IGDCC3: variants seen among roughly 807,000 people sequenced by gnomAD.
The protein encoded by IGDCC3 is putative neuronal cell adhesion molecule.
In IGDCC3, 47 loss-of-function variants were observed where a neutral mutation model predicts 72.0. That is an observed-to-expected ratio of 0.65 (90% CI 0.52 to 0.83). The LOEUF (loss-of-function observed/expected upper bound fraction) is 0.83. Among genes scored for constraint, IGDCC3 ranks in the 40% least tolerant of loss-of-function variants. The pLI, the probability that IGDCC3 is intolerant of heterozygous loss-of-function variation, is 0.00. For synonymous variants in IGDCC3, 477 were observed against 472.8 expected (o/e 1.01, Z -0.11); for missense variants, 1,038 against 1,091.3 (o/e 0.95, Z 0.69).
chr15:65,362,086 T>TAA (rs1304050630), intron 2 of IGDCC3, among the ~76,000 whole-genome samples: 2 of 141,630 alleles, frequency 1.4e-5, no homozygotes, highest in Non-Finnish European at 3.1e-5. Flanking sequence ...ATCCTGACAT[T>TAA]AAAAAAAAAA....
At chr15:65,371,455 G>A (rs1016753014) in intron 2 of IGDCC3, among the ~76,000 whole-genome samples, 9 of 152,344 alleles carry the variant, frequency 5.9e-5, no homozygotes, top group East Asian at 3.9e-4. Context: ...TCCCCACAGC[G>A]GAGGTTATGA....
At chr15:65,354,715 T>C (rs1437664623) in intron 2 of IGDCC3, among the ~76,000 whole-genome samples, 1 of 152,208 alleles carries the variant, frequency 6.6e-6, no homozygotes, top group African/African-American at 2.4e-5. Context: ...TGGGGATCAC[T>C]CCTCATCTTG....
chr15:65,364,098 C>G (rs1366237182), intron 2 of IGDCC3, among the ~76,000 whole-genome samples: 3 of 152,304 alleles, frequency 2.0e-5, no homozygotes, highest in Middle Eastern at 3.4e-3. Context: ...TCTACACTCC[C>G]CTACTCTCAC....
chr15:65,364,412 T>C (rs989717425), intron 2 of IGDCC3, among the ~76,000 whole-genome samples: 4 of 147,544 alleles, frequency 2.7e-5, no homozygotes, highest in Admixed American at 2.7e-4. Context: ...TCTGACCACA[T>C]TTACTGTTAC....
At chr15:65,369,330 A>G (rs1271254280) in intron 2 of IGDCC3, among the ~76,000 whole-genome samples, 1 of 152,214 alleles carries the variant, frequency 6.6e-6, no homozygotes, top group Non-Finnish European at 1.5e-5. Context: ...AGCAAGGCCC[A>G]GAGAGGGTGG....
chr15:65,341,989 G>A (rs1197281453), intron 2 of IGDCC3, among the ~76,000 whole-genome samples: 1 of 152,170 alleles, frequency 6.6e-6, no homozygotes, highest in African/African-American at 2.4e-5. Context: ...TGGCCAGGCT[G>A]GTCTTGAACT....
At position 65,377,517 on chromosome 15, in the gene IGDCC3, C is replaced by T. The variant is rs991883406; in HGVS notation, c.103+169G>A. 9.2e-5 allele frequency among the ~76,000 whole-genome samples: 14 copies of T among 152,286 alleles called. 1 individual carries two copies. The highest frequency in any genetic ancestry group is 3.4e-4 in the African/African-American group (14 of 41,578). ...CACGCCCCTAGGGCCCCCAGCAGTC[C>T]GGCCTTGGTACCCTCTCCCCGTCCG... is the stretch of plus-strand genomic sequence containing the variant. On this transcript the variant is annotated intron_variant, in intron 1 of 13. Coordinates refer to ENST00000327987, the MANE Select transcript of IGDCC3 (RefSeq NM_004884.4). The surrounding 1 kb of genome is among the most constrained non-coding windows in gnomAD (Gnocchi z 4.9).
rs1392411258 is a variant in IGDCC3 at position 65,377,598 on chromosome 15, C to A, written c.103+88G>T. 16 of 1,265,070 alleles carry A rather than the reference C, an allele frequency of 1.3e-5. No individual in the cohort carries two copies. The highest frequency in any genetic ancestry group is 1.6e-5 in the Non-Finnish European group (16 of 994,266). The allele number at this position is 1,265,070 out of a possible 1,614,324, so 78.4% of individuals were successfully genotyped here. A position where few individuals can be genotyped will look rare whatever the true frequency, so the allele number is the denominator to read the frequency against. On this transcript the variant is annotated intron_variant, in intron 1 of 13. Transcript: ENST00000327987. This position sits in a 1 kb window ranked among gnomAD's most constrained non-coding sequence, Gnocchi z 4.9. ...GCCCTCAGGTCCGCGCCGCTCTCCCCGGGTCCGCCCCTCGCGCCCGCTCCC... is the reference window on the plus strand; with the variant it reads ...GCCCTCAGGTCCGCGCCGCTCTCCCAGGGTCCGCCCCTCGCGCCCGCTCCC...
Position 65,329,656 on chromosome 15 carries a change from C to A in IGDCC3, c.1998-59G>T. ...GAGAAAAGAGACAGAGGCAGTGAGC[C>A]CACACTCACCTTCTCTAGGCCTAGT... On this transcript the variant is annotated intron_variant, in intron 12 of 13. Coordinates refer to ENST00000327987, the MANE Select transcript of IGDCC3 (RefSeq NM_004884.4). This position sits in a 1 kb window ranked among gnomAD's most constrained non-coding sequence, Gnocchi z 4.1. 1 of 1,610,950 alleles carries A rather than the reference C, an allele frequency of 6.2e-7. No homozygotes were observed. The highest frequency in any genetic ancestry group is 8.5e-7 in the Non-Finnish European group (1 of 1,177,542).
At chr15:65,348,945 C>A (rs1422324199) in intron 2 of IGDCC3, among the ~76,000 whole-genome samples, 1 of 152,176 alleles carries the variant, frequency 6.6e-6, no homozygotes, top group East Asian at 1.9e-4. Flanking sequence ...TGGAAAAGAT[C>A]CCTGCTCAAC....
At chr15:65,341,941 T>C (rs2091084991) in intron 2 of IGDCC3, among the ~76,000 whole-genome samples, 1 of 152,128 alleles carries the variant, frequency 6.6e-6, no homozygotes. Flanking sequence ...GCTTGGATAA[T>C]TTTTTGTATT....
At chr15:65,335,196 G>T (rs889594904) in intron 4 of IGDCC3, 95 bp downstream of exon 4, 2 of 1,365,082 alleles carry the variant, frequency 1.5e-6, no homozygotes, top group Non-Finnish European at 2.0e-6. Context: ...TGGCTGAGAA[G>T]GCTGCAGAGG....
rs1210765590 is a variant in IGDCC3, at chr15:65,327,817, A to ATACC, written c.*1091_*1092insGGTA. 1 of 151,672 alleles carries ATACC rather than the reference A, an allele frequency of 6.6e-6. No individual in the cohort carries two copies. The allele number at this position is 151,672 out of a possible 1,614,324, so 9.4% of individuals were successfully genotyped here. A position where few individuals can be genotyped will look rare whatever the true frequency, so the allele number is the denominator to read the frequency against. ...CACCCACACCCCCTCACCCTCCCAC[A>ATACC]CACCCATCCCACACATGGTACATTC... On this transcript the variant is annotated 3_prime_UTR_variant, in exon 14 of 14. Transcript: ENST00000327987.
chr15:65,370,618 G>GTATATATA (rs779669712), intron 2 of IGDCC3, among the ~76,000 whole-genome samples: 622 of 56,834 alleles, frequency 0.011, 9 homozygotes, highest in Admixed American at 0.02. Flanking sequence ...ATATATGTAT[G>GTATATATA]TGTATATATA....
intron 2 of IGDCC3, among the ~76,000 whole-genome samples, chr15:65,346,617 C>T (rs509178): frequency 0.43 from 64,577 of 151,938 alleles, 14,154 homozygotes; most frequent in African/African-American, 0.52. Flanking sequence ...CCATCATGCC[C>T]GGCTAATTTT....
intron 2 of IGDCC3, among the ~76,000 whole-genome samples, chr15:65,369,840 C>T (rs1229198252): frequency 1.3e-5 from 2 of 152,162 alleles, no homozygotes; most frequent in African/African-American, 2.4e-5. Context: ...CCCAGCAGCT[C>T]CTGCCCGCAG....
Position 65,329,071 on chromosome 15 carries a change from C to T in IGDCC3, c.2283G>A (p.Glu761=). 3 of 1,611,590 alleles carry T rather than the reference C, an allele frequency of 1.9e-6. No homozygotes were observed. The highest frequency in any genetic ancestry group is 2.5e-6 in the Non-Finnish European group (3 of 1,179,088). The change falls in exon 14 of 14, where the codon GAG becomes GAA. Residue 761 remains glutamate, a synonymous_variant. Coordinates refer to ENST00000327987, the MANE Select transcript of IGDCC3 (RefSeq NM_004884.4). This position sits in a 1 kb window ranked among gnomAD's most constrained non-coding sequence, Gnocchi z 4.1. ...VLPLQGCGLM[E]GKTTEAKTTE... is the part of the protein sequence containing the mutation. ...TGGTCTTCGCCTCCGTCGTCTTCCC[C>T]TCCATCAGGCCGCACCCCTGAAGTG...
At chr15:65,345,564 ACACACACACACACACG>A (rs1192721851) in intron 2 of IGDCC3, among the ~76,000 whole-genome samples, 170 of 151,910 alleles carry the variant, frequency 1.1e-3, no homozygotes, top group Non-Finnish European at 2.0e-3. Context: ...ACACGCACAC[ACACACACACACACACG>A]CACACACACG....
In IGDCC3 at chr15:65,328,764, G is replaced by A. The variant is rs2090945897; in HGVS notation, c.*145C>T. The stretch of plus-strand genomic sequence containing the variant: ...GGGGGTCCCTGTCAAGGCTGCCTTG[G>A]GTTTTGACAACCCAAGAGGCAGTCA... On this transcript the variant is annotated 3_prime_UTR_variant, in exon 14 of 14. Coordinates refer to ENST00000327987, the MANE Select transcript of IGDCC3 (RefSeq NM_004884.4). 6.6e-6 allele frequency: 7 copies of A among 1,066,552 alleles called. No homozygotes were observed. The Admixed American group carries it at 1.2e-4, about 18-fold the overall frequency. The allele number at this position is 1,066,552 out of a possible 1,614,324, so 66.1% of individuals were successfully genotyped here.
Sources: allele counts gnomAD v4.1 joint callset (sites outside exome capture counted in the v4.1 genomes callset), GRCh38; gene constraint gnomAD v4.1.1; non-coding constraint Gnocchi (gnomAD v3.1); transcripts MANE v1.5; gene names NCBI Gene and HGNC (gene_info 2026-07-23, HGNC 2026-07-21).